GRM6: variants seen among roughly 807,000 people sequenced by gnomAD.
The protein encoded by GRM6 is metabotropic glutamate receptor 6.
A neutral mutation model predicts 78.4 loss-of-function variants in GRM6; 73 were observed. The observed-to-expected ratio is 0.93, with a 90% confidence interval of 0.77 to 1.13. GRM6 has a LOEUF of 1.13. GRM6 is among the 50% of genes most tolerant of loss of function. The pLI is 0.00. For synonymous variants in GRM6, 580 were observed against 555.0 expected (o/e 1.05, Z -0.63); for missense variants, 1,251 against 1,256.4 (o/e 1.00, Z 0.07).
At chr5:178,985,580 G>A (rs1257054921) in intron 9 of GRM6, 16 of 345,306 alleles carry the variant, frequency 4.6e-5, no homozygotes, top group East Asian at 4.0e-4. Context: ...GCGGGCGCCT[G>A]TAGTCCCAGC....
chr5:178,986,755 TG>T lies in GRM6; in HGVS notation c.1501-3del. On this transcript the variant is annotated splice_polypyrimidine_tract_variant and splice_region_variant and intron_variant, in intron 8 of 10. Transcript: ENST00000517717. ...GCCAGACCACTGCAGGGCCTCCACCTGGGACGCACAAAACACAGGCTGGGGC... is the reference window on the plus strand; with the variant it reads ...GCCAGACCACTGCAGGGCCTCCACCTGGACGCACAAAACACAGGCTGGGGC... The T allele has an allele frequency of 6.2e-7, 1 of 1,608,586 alleles. No homozygotes were observed. Among genetic ancestry groups the T allele is most frequent in the Non-Finnish European group, 8.5e-7 (1 of 1,179,418 alleles).
In GRM6 at chr5:178,991,363, G is replaced by A; in HGVS notation, c.857+61C>T. 1 of 1,504,298 alleles carries A rather than the reference G, an allele frequency of 6.6e-7. No homozygotes were observed. The highest frequency in any genetic ancestry group is 1.1e-5 in the South Asian group (1 of 88,906). The allele number at this position is 1,504,298 out of a possible 1,614,324, so 93.2% of individuals were successfully genotyped here. A position where few individuals can be genotyped will look rare whatever the true frequency, so the allele number is the denominator to read the frequency against. ...GAGTGTGTAAGGTGGCGATGTGCAA[G>A]AGGAGGGGTGGGACCCTCAGGGAGA... On this transcript the variant is annotated intron_variant, in intron 4 of 10. Coordinates refer to ENST00000517717, the MANE Select transcript of GRM6 (RefSeq NM_000843.4). This position sits in a 1 kb window ranked among gnomAD's most constrained non-coding sequence, Gnocchi z 5.0.
In GRM6 at chr5:178,992,833, G is replaced by A. The variant is rs1041640685; in HGVS notation, c.505-750C>T. 3.9e-5 allele frequency among the ~76,000 whole-genome samples: 6 copies of A among 151,978 alleles called. No individual in the cohort carries two copies. Among genetic ancestry groups the A allele is most frequent in the Non-Finnish European group, 8.8e-5 (6 of 67,986 alleles). On this transcript the variant is annotated intron_variant, in intron 2 of 10. Transcript: ENST00000517717. This position sits in a 1 kb window ranked among gnomAD's most constrained non-coding sequence, Gnocchi z 4.9. Reference sequence around the variant, plus strand: ...AAGCAGGATAGAAAGTATAGAGACAGCATGAAAAGGAAGCCGGGAGTGGCA... The same window carrying A: ...AAGCAGGATAGAAAGTATAGAGACAACATGAAAAGGAAGCCGGGAGTGGCA...
Position 178,994,896 on chromosome 5 carries a change from G to T in GRM6, c.49C>A (p.Pro17Thr), listed in dbSNP as rs1329916303. Residue 17 changes from proline to threonine, a missense_variant, in exon 2 of 11, where the codon CCG becomes ACG. Coordinates refer to ENST00000517717, the MANE Select transcript of GRM6 (RefSeq NM_000843.4). ...CCCGCCTGCGCCAGCCACGCCAGCG[G>T]CAGCAGCGCCACGAGCAGCGGCTCC... is the stretch of plus-strand genomic sequence containing the variant. ...AREPLLVALL[P>T]LAWLAQAGLA... 295 of 1,209,002 alleles carry T rather than the reference G, an allele frequency of 2.4e-4. 3 individuals carry two copies. In the East Asian group the frequency reaches 1.0e-2, roughly 41 times the overall value. The allele number at this position is 1,209,002 out of a possible 1,614,324, so 74.9% of individuals were successfully genotyped here.
intron 9 of GRM6, chr5:178,985,168 C>T: frequency 2.3e-6 from 1 of 426,700 alleles, no homozygotes. Context: ...GCAGAGACTC[C>T]CTTGTGGAAA....
chr5:178,992,172 C>T lies in GRM6; in HGVS notation c.505-89G>A, dbSNP rs1441017297. The T allele has an allele frequency of 3.5e-6, 3 of 864,538 alleles. No individual in the cohort carries two copies. The highest frequency in any genetic ancestry group is 2.0e-5 in the Admixed American group (1 of 50,460). The allele number at this position is 864,538 out of a possible 1,614,324, so 53.6% of individuals were successfully genotyped here. A position where few individuals can be genotyped will look rare whatever the true frequency, so the allele number is the denominator to read the frequency against. ...AGGGGGGCCCAGGACACGGACGGGGCACAGAAGGTGTGTGGCATGGACCTG... is the reference window on the plus strand; with the variant it reads ...AGGGGGGCCCAGGACACGGACGGGGTACAGAAGGTGTGTGGCATGGACCTG... On this transcript the variant is annotated intron_variant, in intron 2 of 10. Transcript: ENST00000517717. This position sits in a 1 kb window ranked among gnomAD's most constrained non-coding sequence, Gnocchi z 4.9.
rs903532257 is a variant in GRM6 at position 178,978,797 on chromosome 5, C to A, written c.*2860G>T. The A allele has an allele frequency of 1.3e-5, 2 of 152,182 alleles. No individual in the cohort carries two copies. Among genetic ancestry groups the A allele is most frequent in the African/African-American group, 4.8e-5 (2 of 41,438 alleles). The allele number at this position is 152,182 out of a possible 1,614,324, so 9.4% of individuals were successfully genotyped here. A position where few individuals can be genotyped will look rare whatever the true frequency, so the allele number is the denominator to read the frequency against. On this transcript the variant is annotated 3_prime_UTR_variant, in exon 11 of 11. Coordinates refer to ENST00000517717, the MANE Select transcript of GRM6 (RefSeq NM_000843.4). Reference sequence around the variant, plus strand: ...CAGCTCTCACTCGACATAAGAGAAACCACACTGGAAGAATGCCTTATAAAT... The same window carrying A: ...CAGCTCTCACTCGACATAAGAGAAAACACACTGGAAGAATGCCTTATAAAT...
At position 178,986,379 on chromosome 5, in the gene GRM6, G is replaced by A. The variant is rs62638215; in HGVS notation, c.1875C>T (p.Tyr625=). 5,014 of 1,614,020 alleles carry A rather than the reference G, an allele frequency of 3.1e-3. 8 individuals carry two copies. Among genetic ancestry groups the A allele is most frequent in the Non-Finnish European group, 3.4e-3 (4,019 of 1,180,024 alleles). ...TGAGGAAGATGCCGGTGAGGAGGAC[G>A]TAGCTGAGCTCTCGGCCCGAGGCCC... The part of the protein sequence containing the change: ...IVRASGRELS[Y]VLLTGIFLIY... Residue 625 remains tyrosine, a synonymous_variant, in exon 9 of 11, where the codon TAC becomes TAT. Coordinates refer to ENST00000517717, the MANE Select transcript of GRM6 (RefSeq NM_000843.4).
intron 9 of GRM6, chr5:178,983,565 C>T (rs1760450199): frequency 2.1e-6 from 1 of 469,712 alleles, no homozygotes; most frequent in Non-Finnish European, 4.2e-6. Flanking sequence ...TTACTGCGCC[C>T]CTTCAAGGTA....
At position 178,992,453 on chromosome 5, in the gene GRM6, A is replaced by G. The variant is rs2113344398; in HGVS notation, c.505-370T>C. ...GCATCTGCCTGTCCTAGTCAGGCCC[A>G]GGGCAAAGCACGTTTTCTTGATTCA... On this transcript the variant is annotated intron_variant, in intron 2 of 10. Transcript: ENST00000517717. The surrounding 1 kb of genome is among the most constrained non-coding windows in gnomAD (Gnocchi z 4.9). 1 of 384,670 alleles carries G rather than the reference A, an allele frequency of 2.6e-6. No individual in the cohort carries two copies. Among genetic ancestry groups the G allele is most frequent in the Non-Finnish European group, 5.1e-6 (1 of 195,344 alleles). The allele number at this position is 384,670 out of a possible 1,614,324, so 23.8% of individuals were successfully genotyped here. A position where few individuals can be genotyped will look rare whatever the true frequency, so the allele number is the denominator to read the frequency against.
In GRM6 at chr5:178,991,069, C is replaced by CGG. The variant is rs1355193797; in HGVS notation, c.858-325_858-324dup. Among the ~76,000 whole-genome samples, 2 of 152,116 alleles carry CGG rather than the reference C, an allele frequency of 1.3e-5. No individual in the cohort carries two copies. The highest frequency in any genetic ancestry group is 4.8e-5 in the African/African-American group (2 of 41,424). Reference sequence around the variant, plus strand: ...CAGCCTCCTAGGCTGGAGATGAACTCGGGCCGGTGGGTCTCGGGCTGGGGT... The same window carrying CGG: ...CAGCCTCCTAGGCTGGAGATGAACTCGGGGGCCGGTGGGTCTCGGGCTGGGGT... On this transcript the variant is annotated intron_variant, in intron 4 of 10. Coordinates refer to ENST00000517717, the MANE Select transcript of GRM6 (RefSeq NM_000843.4). The surrounding 1 kb of genome is among the most constrained non-coding windows in gnomAD (Gnocchi z 5.0).
At position 178,994,874 on chromosome 5, in the gene GRM6, G is replaced by A. The variant is rs1159711005; in HGVS notation, c.71C>T (p.Ala24Val). 2.5e-6 allele frequency: 3 copies of A among 1,202,418 alleles called. No individual in the cohort carries two copies. The highest frequency in any genetic ancestry group is 1.6e-5 in the African/African-American group (1 of 61,718). 74.5% of individuals were successfully genotyped at this position (1,202,418 alleles called of 1,614,324 possible). The change falls in exon 2 of 11, where the codon GCG becomes GTG. Residue 24 changes from alanine (A) to valine (V), a missense_variant. By Grantham distance (64) the Ala-to-Val change is moderately conservative. Coordinates refer to ENST00000517717, the MANE Select transcript of GRM6 (RefSeq NM_000843.4). ...AGAGCCCGCCGCGCGCGCCAGGCCC[G>A]CCTGCGCCAGCCACGCCAGCGGCAG... ...ALLPLAWLAQ[A>V]GLARAAGSVR...
chr5:178,985,583 G>A (rs544263083), intron 9 of GRM6: 42 of 348,042 alleles, frequency 1.2e-4, no homozygotes, highest in Middle Eastern at 8.4e-4. Flanking sequence ...GGCGCCTGTA[G>A]TCCCAGCTAC....
chr5:178,983,642 G>C (rs1760452687), intron 9 of GRM6: 1 of 352,856 alleles, frequency 2.8e-6, no homozygotes, highest in Non-Finnish European at 5.6e-6. Flanking sequence ...CTCCTCACGT[G>C]TACTGAGCTT....
At position 178,978,868 on chromosome 5, in the gene GRM6, A is replaced by G. The variant is rs1760335814; in HGVS notation, c.*2789T>C. 1.3e-5 allele frequency: 2 copies of G among 152,246 alleles called. No individual in the cohort carries two copies. Among genetic ancestry groups the G allele is most frequent in the Non-Finnish European group, 2.9e-5 (2 of 68,050 alleles). The allele number at this position is 152,246 out of a possible 1,614,324, so 9.4% of individuals were successfully genotyped here. A position where few individuals can be genotyped will look rare whatever the true frequency, so the allele number is the denominator to read the frequency against. On this transcript the variant is annotated 3_prime_UTR_variant, in exon 11 of 11. Transcript: ENST00000517717. ...CACAAAACTTTATTCAGGGGTCCAA[A>G]TAAATTGGACCTCAAAGAATTCAAA...
Position 178,982,893 on chromosome 5 carries a change from C to T in GRM6, c.2436+17G>A. On this transcript the variant is annotated intron_variant, in intron 10 of 10. Transcript: ENST00000517717. Reference sequence around the variant, plus strand: ...AGGCAGGAAACAGGCAGCGAGACCTCCTGGGGACCTCATTACCTTTTCAGC... The same window carrying T: ...AGGCAGGAAACAGGCAGCGAGACCTTCTGGGGACCTCATTACCTTTTCAGC... The T allele has an allele frequency of 6.3e-7, 1 of 1,596,440 alleles. No individual in the cohort carries two copies. Among genetic ancestry groups the T allele is most frequent in the South Asian group, 1.1e-5 (1 of 90,730 alleles).
rs780877199 is a variant in GRM6 at position 178,986,116 on chromosome 5, G to GC, written c.2124+13dup. The GC allele has an allele frequency of 6.2e-7, 1 of 1,610,862 alleles. No homozygotes were observed. Among genetic ancestry groups the GC allele is most frequent in the South Asian group, 1.1e-5 (1 of 90,610 alleles). ...CCCCTCCCTGCCCTGGCCCTTGGGA[G>GC]CCTACGGACCCACCTGCAGGGAGGT... On this transcript the variant is annotated intron_variant, in intron 9 of 10. Coordinates refer to ENST00000517717, the MANE Select transcript of GRM6 (RefSeq NM_000843.4).
At chr5:178,983,262 G>A in intron 9 of GRM6, 41 bp from the exon 10 acceptor site, 3 of 1,559,264 alleles carry the variant, frequency 1.9e-6, no homozygotes, top group Non-Finnish European at 2.6e-6. Context: ...CACTTTCCAG[G>A]GACAAATCCA....
intron 7 of GRM6, chr5:178,987,323 A>G (rs892173505): frequency 2.0e-6 from 1 of 499,764 alleles, no homozygotes; most frequent in African/African-American, 1.9e-5. Flanking sequence ...GATACTCGAG[A>G]GACTAGAAAG....
Sources: allele counts gnomAD v4.1 joint callset (sites outside exome capture counted in the v4.1 genomes callset), GRCh38; gene constraint gnomAD v4.1.1; non-coding constraint Gnocchi (gnomAD v3.1); transcripts MANE v1.5; gene names NCBI Gene and HGNC (gene_info 2026-07-23, HGNC 2026-07-21).